CPNE8: variants seen among roughly 807,000 people sequenced by gnomAD.
CPNE8 encodes copine-8.
CPNE8 carries 45 observed loss-of-function variants against 81.5 expected under a neutral mutation model. That is an observed-to-expected ratio of 0.55 (90% confidence interval 0.44 to 0.71). The LOEUF (loss-of-function observed/expected upper bound fraction) is 0.71, where lower values mean the gene tolerates loss of function less well. Among genes scored for constraint, CPNE8 ranks in the 30% least tolerant of loss-of-function variants. The pLI is 0.00. For missense variants in CPNE8, 594 were observed against 672.1 expected, an observed-to-expected ratio of 0.88 and a Z score of 1.28; for synonymous variants, 252 against 226.3, an observed-to-expected ratio of 1.11 and a Z score of -1.02.
At chr12:38,709,986 A>T (rs1394941019) in intron 13 of CPNE8, among the ~76,000 whole-genome samples, 3 of 152,140 alleles carry the variant, frequency 2.0e-5, no homozygotes, top group Non-Finnish European at 4.4e-5. Context: ...CAATAAAAAA[A>T]ATAACTGGAG....
chr12:38,887,628 CT>C (rs1186483319), intron 1 of CPNE8, among the ~76,000 whole-genome samples: 1 of 152,112 alleles, frequency 6.6e-6, no homozygotes, highest in East Asian at 1.9e-4. Flanking sequence ...GAATTCCTTG[CT>C]AAGCTATTGA....
chr12:38,896,736 C>G (rs182433387), intron 1 of CPNE8, among the ~76,000 whole-genome samples: 1 of 152,050 alleles, frequency 6.6e-6, no homozygotes, highest in Non-Finnish European at 1.5e-5. Flanking sequence ...ACTATTCTAA[C>G]GACTGTTTTA....
chr12:38,834,880 CTTT>C (rs1170152007), intron 5 of CPNE8, among the ~76,000 whole-genome samples: 1 of 143,484 alleles, frequency 7.0e-6, no homozygotes. Context: ...ACATTCCAAA[CTTT>C]TTTTTTTTTT....
chr12:38,759,451 A>G (rs908282421), intron 10 of CPNE8, among the ~76,000 whole-genome samples: 4 of 152,218 alleles, frequency 2.6e-5, no homozygotes, highest in Non-Finnish European at 2.9e-5. Flanking sequence ...GGAAAAATAG[A>G]AAGTTTTCTG....
In CPNE8 at chr12:38,685,470, C is replaced by T; in HGVS notation, c.1271+20G>A. The stretch of plus-strand genomic sequence containing the variant: ...TGTTCCAGTACATCAGAATAAGCAC[C>T]TTGTCTACTCTCTACTTACCTTGCT... On this transcript the variant is annotated intron_variant, in intron 16 of 19. Transcript: ENST00000331366. 1.2e-6 allele frequency: 2 copies of T among 1,609,624 alleles called. No homozygotes were observed. Among genetic ancestry groups the T allele is most frequent in the East Asian group, 2.2e-5 (1 of 44,674 alleles).
At chr12:38,722,101 G>C (rs964284275) in intron 13 of CPNE8, among the ~76,000 whole-genome samples, 5 of 152,236 alleles carry the variant, frequency 3.3e-5, no homozygotes, top group Admixed American at 3.3e-4. Flanking sequence ...ACCGGCCAGA[G>C]GTTTCAGGCC....
chr12:38,830,534 A>G (rs1943268984), intron 5 of CPNE8, among the ~76,000 whole-genome samples: 1 of 152,220 alleles, frequency 6.6e-6, no homozygotes, highest in Non-Finnish European at 1.5e-5. Flanking sequence ...CGTGCCTTCT[A>G]GCTTAGCCTG....
chr12:38,674,792 T>C (rs1246898647), intron 18 of CPNE8, among the ~76,000 whole-genome samples: 1 of 152,188 alleles, frequency 6.6e-6, no homozygotes, highest in Non-Finnish European at 1.5e-5. Context: ...CAGGAGGGAC[T>C]GGTGGTTAAA....
intron 6 of CPNE8, among the ~76,000 whole-genome samples, chr12:38,809,156 T>A (rs901964701): frequency 6.6e-6 from 1 of 152,200 alleles, no homozygotes; most frequent in Non-Finnish European, 1.5e-5. Context: ...AATAATGCTA[T>A]CTCACAGTTA....
intron 10 of CPNE8, among the ~76,000 whole-genome samples, chr12:38,742,711 T>TAAATAAATAAAA (rs59403727): frequency 0.051 from 7,412 of 145,506 alleles, 323 homozygotes; most frequent in Middle Eastern, 0.081. Flanking sequence ...AATAAATAAA[T>TAAATAAATAAAA]ATAAAACATA....
intron 11 of CPNE8, among the ~76,000 whole-genome samples, chr12:38,728,280 A>G (rs1689505945): frequency 1.3e-5 from 2 of 152,188 alleles, no homozygotes; most frequent in Non-Finnish European, 2.9e-5. Context: ...TTATTAAACA[A>G]AATCTTTAAA....
intron 13 of CPNE8, among the ~76,000 whole-genome samples, chr12:38,714,609 G>GA (rs889360761): frequency 2.0e-5 from 3 of 149,928 alleles, no homozygotes; most frequent in African/African-American, 4.9e-5. Flanking sequence ...TCATACTCCA[G>GA]AAAAAACACA....
At chr12:38,900,762 C>A (rs1025041031) in intron 1 of CPNE8, among the ~76,000 whole-genome samples, 7 of 152,122 alleles carry the variant, frequency 4.6e-5, no homozygotes, top group African/African-American at 1.7e-4. Context: ...CTATGGCACA[C>A]ATCTGTTTAT....
chr12:38,835,820 G>C (rs1258057809), intron 5 of CPNE8, among the ~76,000 whole-genome samples: 1 of 152,064 alleles, frequency 6.6e-6, no homozygotes. Flanking sequence ...CACCTTCACT[G>C]AAGTCTAGTA....
intron 6 of CPNE8, among the ~76,000 whole-genome samples, chr12:38,792,789 GT>G (rs1942356283): frequency 6.6e-6 from 1 of 151,618 alleles, no homozygotes; most frequent in African/African-American, 2.4e-5. Context: ...AGAAGAGAAC[GT>G]TATAGATCAA....
chr12:38,744,976 T>C (rs1234536132), intron 10 of CPNE8, among the ~76,000 whole-genome samples: 3 of 152,222 alleles, frequency 2.0e-5, no homozygotes, highest in Non-Finnish European at 4.4e-5. Flanking sequence ...CTGATTCCAA[T>C]TCATTCTACA....
chr12:38,836,868 G>T (rs1385210319), intron 5 of CPNE8, among the ~76,000 whole-genome samples: 1 of 152,136 alleles, frequency 6.6e-6, no homozygotes, highest in Non-Finnish European at 1.5e-5. Flanking sequence ...TTAAGGAATA[G>T]CTTTTGCTAT....
At chr12:38,809,718 CT>C (rs1184385721) in intron 6 of CPNE8, among the ~76,000 whole-genome samples, 1 of 152,132 alleles carries the variant, frequency 6.6e-6, no homozygotes, top group Non-Finnish European at 1.5e-5. Context: ...AAAATCTTCC[CT>C]AAATCTAACC....
chr12:38,808,752 A>G (rs563889881), intron 6 of CPNE8, among the ~76,000 whole-genome samples: 131 of 151,140 alleles, frequency 8.7e-4, no homozygotes, highest in African/African-American at 2.9e-3. Flanking sequence ...TTAAAGTATA[A>G]TAATAATAAA....
Sources: gnomAD v4.1 joint callset for allele counts (sites outside exome capture counted in the v4.1 genomes callset) on GRCh38, gnomAD v4.1.1 for gene constraint, MANE v1.5 for transcripts, NCBI Gene and HGNC (gene_info 2026-07-23, HGNC 2026-07-21) for gene names.